The following LARGE1 variants were observed in gnomAD, a reference collection of about 807,000 sequenced individuals.
The protein encoded by LARGE1 is xylosyl- and glucuronyltransferase LARGE1.
Under a neutral mutation model 87.6 loss-of-function variants are expected in LARGE1, and 43 were observed. That is an observed-to-expected ratio of 0.49 (90% confidence interval 0.38 to 0.63). LARGE1 has a LOEUF of 0.63. Among genes scored for constraint, LARGE1 ranks in the 30% least tolerant of loss-of-function variants. The probability of loss-of-function intolerance (pLI) is 0.00; values close to 1 mark genes in which losing one functional copy is unlikely to be tolerated. For missense variants in LARGE1, 802 were observed against 1,000.2 expected, an observed-to-expected ratio of 0.80 and a Z score of 2.67; for synonymous variants, 434 against 394.6, an observed-to-expected ratio of 1.10 and a Z score of -1.18.
rs184238598 is a variant in LARGE1 at position 33,500,822 on chromosome 22, C to G, written c.787+64026G>C. On this transcript the variant is annotated intron_variant, in intron 6 of 14. Coordinates refer to ENST00000397394, the MANE Select transcript of LARGE1 (RefSeq NM_133642.5). ...ATTATCATCATTACTTCAACAGTGGCTTTCACAGAAGCCCATCCAAACAAG... is the reference window on the plus strand; with the variant it reads ...ATTATCATCATTACTTCAACAGTGGGTTTCACAGAAGCCCATCCAAACAAG... Among the ~76,000 whole-genome samples, 13 of 152,338 alleles carry G rather than the reference C, an allele frequency of 8.5e-5. 1 individual carries two copies. In the East Asian group the frequency reaches 2.5e-3, roughly 29 times the overall value.
chr22:33,610,567 A>T (rs896791328), intron 4 of LARGE1, among the ~76,000 whole-genome samples: 1 of 152,192 alleles, frequency 6.6e-6, no homozygotes, highest in Non-Finnish European at 1.5e-5. Flanking sequence ...TAAAGAGGGA[A>T]GCAGGGTGTA....
chr22:33,486,163 G>A (rs1303930916), intron 6 of LARGE1, among the ~76,000 whole-genome samples: 1 of 152,174 alleles, frequency 6.6e-6, no homozygotes, highest in African/African-American at 2.4e-5. Context: ...GGTGATCCAG[G>A]GCATGTGGCT....
chr22:33,475,711 G>A (rs181772063), intron 6 of LARGE1, among the ~76,000 whole-genome samples: 4 of 152,124 alleles, frequency 2.6e-5, no homozygotes, highest in South Asian at 2.1e-4. Flanking sequence ...GATCTGCCCC[G>A]CCTCAGCCTC....
chr22:33,904,165 CCAACCAGATTA>C (rs2065366733), intron 1 of LARGE1, among the ~76,000 whole-genome samples: 1 of 152,030 alleles, frequency 6.6e-6, no homozygotes. Flanking sequence ...GGAGGTTCTT[CCAACCAGATTA>C]CAACATGGGC....
chr22:33,555,280 A>C (rs762062), intron 6 of LARGE1, among the ~76,000 whole-genome samples: 66,824 of 152,006 alleles, frequency 0.44, 15,273 homozygotes, highest in Admixed American at 0.51. Flanking sequence ...CCCTAGAAAG[A>C]ACACACAATA....
intron 1 of LARGE1, among the ~76,000 whole-genome samples, chr22:33,819,304 T>C (rs944609774): frequency 3.3e-5 from 5 of 152,196 alleles, no homozygotes; most frequent in South Asian, 2.1e-4. Flanking sequence ...ACAAAGTTCA[T>C]GGCAGAGCTG....
intron 4 of LARGE1, among the ~76,000 whole-genome samples, 165 bp downstream of exon 4, chr22:33,626,079 C>T (rs1188007485): frequency 1.3e-5 from 2 of 152,212 alleles, no homozygotes; most frequent in African/African-American, 2.4e-5. Context: ...TGTCATTAAA[C>T]ATTGTTAACA....
At chr22:33,802,129 T>C (rs1264330126) in intron 1 of LARGE1, among the ~76,000 whole-genome samples, 1 of 151,842 alleles carries the variant, frequency 6.6e-6, no homozygotes, top group African/African-American at 2.4e-5. Context: ...ACAGGTATCA[T>C]GCCAAGTTTC....
chr22:33,626,332 A>T lies in LARGE1; in HGVS notation c.409-6T>A. 1 of 1,612,816 alleles carries T rather than the reference A, an allele frequency of 6.2e-7. No individual in the cohort carries two copies. The highest frequency in any genetic ancestry group is 8.5e-7 in the Non-Finnish European group (1 of 1,178,866). The stretch of plus-strand genomic sequence containing the variant: ...ACAATAGCAACGTGGATTGTCTGGG[A>T]AGAAAAGAAGACGGGGTGAGCAGTC... On this transcript the variant is annotated splice_region_variant and splice_polypyrimidine_tract_variant and intron_variant, in intron 3 of 14. Coordinates refer to ENST00000397394, the MANE Select transcript of LARGE1 (RefSeq NM_133642.5).
chr22:33,409,043 G>A (rs2066211596), intron 7 of LARGE1, among the ~76,000 whole-genome samples: 1 of 152,170 alleles, frequency 6.6e-6, no homozygotes, highest in Admixed American at 6.5e-5. Context: ...AACGATGCCT[G>A]CTGAGATAGG....
At chr22:33,397,933 C>T (rs1237625077) in intron 7 of LARGE1, among the ~76,000 whole-genome samples, 1 of 151,940 alleles carries the variant, frequency 6.6e-6, no homozygotes, top group Non-Finnish European at 1.5e-5. Flanking sequence ...GTTAATTGCC[C>T]ATTTTGTCCT....
intron 11 of LARGE1, among the ~76,000 whole-genome samples, chr22:33,262,270 C>T (rs1405650488): frequency 6.6e-6 from 1 of 152,156 alleles, no homozygotes; most frequent in Non-Finnish European, 1.5e-5. Context: ...CTACCACTTC[C>T]TAAAAGAACT....
chr22:33,714,921 C>T (rs904665203), intron 2 of LARGE1, among the ~76,000 whole-genome samples: 4 of 152,194 alleles, frequency 2.6e-5, no homozygotes, highest in Admixed American at 2.6e-4. Flanking sequence ...AAGGCAGTCC[C>T]CTCTCATATC....
At chr22:33,406,466 G>T (rs1020152423) in intron 7 of LARGE1, among the ~76,000 whole-genome samples, 1 of 152,126 alleles carries the variant, frequency 6.6e-6, no homozygotes, top group African/African-American at 2.4e-5. Flanking sequence ...CCGAGACAGA[G>T]TTCAAAGAAG....
At chr22:33,512,294 AAAT>A (rs139742706) in intron 6 of LARGE1, among the ~76,000 whole-genome samples, 4,031 of 152,328 alleles carry the variant, frequency 0.026, 71 homozygotes, top group African/African-American at 0.046. Flanking sequence ...TAAATCTTCA[AAAT>A]ACCAGAAACA....
intron 13 of LARGE1, among the ~76,000 whole-genome samples, chr22:33,282,386 C>G (rs111948802): frequency 6.6e-6 from 1 of 152,122 alleles, no homozygotes; most frequent in Non-Finnish European, 1.5e-5. Flanking sequence ...CAAACACAAG[C>G]AAACACCTGG....
intron 7 of LARGE1, among the ~76,000 whole-genome samples, chr22:33,415,798 T>A (rs1420152735): frequency 6.6e-6 from 1 of 152,084 alleles, no homozygotes; most frequent in Non-Finnish European, 1.5e-5. Flanking sequence ...AAGACATAAA[T>A]GGAGACAATC....
At chr22:33,702,650 G>A (rs1197308994) in intron 2 of LARGE1, among the ~76,000 whole-genome samples, 1 of 152,144 alleles carries the variant, frequency 6.6e-6, no homozygotes, top group Non-Finnish European at 1.5e-5. Context: ...AGGACAAAGG[G>A]CTTCTCCTTG....
intron 9 of LARGE1, among the ~76,000 whole-genome samples, chr22:33,371,863 A>C (rs1018696883): frequency 6.6e-6 from 1 of 152,046 alleles, no homozygotes; most frequent in African/African-American, 2.4e-5. Context: ...GGGCGCCTGT[A>C]GTCCCAGCTA....
Sources: gnomAD v4.1 joint callset for allele counts (sites outside exome capture counted in the v4.1 genomes callset) on GRCh38, gnomAD v4.1.1 for gene constraint, MANE v1.5 for transcripts, NCBI Gene and HGNC (gene_info 2026-07-23, HGNC 2026-07-21) for gene names.